Variants in EGFR observed in about 807,000 individuals in gnomAD.
EGFR encodes epidermal growth factor receptor.
Under a neutral mutation model 143.0 loss-of-function variants are expected in EGFR, and 58 were observed. The ratio of observed to expected loss-of-function variants is 0.41; its 90% CI spans 0.33 to 0.50. The LOEUF (loss-of-function observed/expected upper bound fraction) is 0.50, where lower values mean the gene tolerates loss of function less well. Among genes scored for constraint, EGFR ranks in the 20% least tolerant of loss-of-function variants. The pLI is 0.39. For synonymous variants in EGFR, 613 were observed against 594.4 expected, an observed-to-expected ratio of 1.03 and a Z score of -0.45; for missense variants, 1,307 against 1,579.0, an observed-to-expected ratio of 0.83 and a Z score of 2.92.
intron 11 of EGFR, 38 bp downstream of exon 11, chr7:55,157,791 T>C (rs1785504593): frequency 1.2e-6 from 2 of 1,606,878 alleles, no homozygotes; most frequent in African/African-American, 1.3e-5. Flanking sequence ...AGATTACATT[T>C]GCCTTTTTAG....
intron 1 of EGFR, among the ~76,000 whole-genome samples, chr7:55,124,772 C>G (rs1393944725): frequency 6.6e-6 from 1 of 152,224 alleles, no homozygotes; most frequent in Non-Finnish European, 1.5e-5. Context: ...AATTCACAGT[C>G]TATAAACCTG....
At chr7:55,049,529 T>C (rs1788363266) in intron 1 of EGFR, among the ~76,000 whole-genome samples, 1 of 152,114 alleles carries the variant, frequency 6.6e-6, no homozygotes, top group Non-Finnish European at 1.5e-5. Flanking sequence ...TGGTAATTCA[T>C]TTTTGACAGT....
At chr7:55,055,929 C>T (rs756960850) in intron 1 of EGFR, among the ~76,000 whole-genome samples, 1 of 152,060 alleles carries the variant, frequency 6.6e-6, no homozygotes, top group Non-Finnish European at 1.5e-5. Flanking sequence ...GCATGGATGG[C>T]GACTTCTCAG....
intron 1 of EGFR, among the ~76,000 whole-genome samples, chr7:55,019,909 G>A (rs1327324778): frequency 2.0e-5 from 3 of 152,156 alleles, no homozygotes; most frequent in Non-Finnish European, 4.4e-5. Context: ...GCGGCTTTCT[G>A]AGAGGACCTC....
intron 1 of EGFR, among the ~76,000 whole-genome samples, chr7:55,070,283 G>A (rs1477789806): frequency 6.6e-6 from 1 of 152,034 alleles, no homozygotes; most frequent in Non-Finnish European, 1.5e-5. Flanking sequence ...CTTTCTTCCT[G>A]GTTAGACAGG....
intron 27 of EGFR, among the ~76,000 whole-genome samples, chr7:55,203,373 C>T (rs1282383587): frequency 6.8e-6 from 1 of 146,320 alleles, no homozygotes; most frequent in Non-Finnish European, 1.5e-5. Context: ...TGCATACATA[C>T]ACACCACACA....
chr7:55,205,298 T>C lies in EGFR; in HGVS notation c.3314T>C (p.Val1105Ala). ...GTTCCCAAAAGGCCCGCTGGCTCTG[T>C]GCAGAATCCTGTCTATCACAATCAG... ...QSVPKRPAGS[V>A]QNPVYHNQPL... The change falls in exon 28 of 28, where the codon GTG (valine) becomes GCG (alanine). Residue 1105 changes from valine (V) to alanine (A), a missense_variant. By Grantham distance (64) the Val-to-Ala change is moderately conservative. Around this residue, in one of 7 missense-constraint regions of EGFR, gnomAD observed 313 missense variants for 312.3 expected, o/e 1.00. Transcript: ENST00000275493. 6.2e-7 allele frequency: 1 copy of C among 1,612,838 alleles called. No individual in the cohort carries two copies. The highest frequency in any genetic ancestry group is 8.5e-7 in the Non-Finnish European group (1 of 1,179,392).
In EGFR at chr7:55,152,747, G is replaced by T. The variant is rs879289031; in HGVS notation, c.747+83G>T. The T allele has an allele frequency of 5.3e-5, 61 of 1,150,884 alleles. No homozygotes were observed. In the Admixed American group the frequency reaches 1.1e-3, roughly 21 times the overall value. The allele number at this position is 1,150,884 out of a possible 1,614,324, so 71.3% of individuals were successfully genotyped here. On this transcript the variant is annotated intron_variant, in intron 6 of 27. Coordinates refer to ENST00000275493, the MANE Select transcript of EGFR (RefSeq NM_005228.5). Reference sequence around the variant, plus strand: ...CACACCAGGACAGAAGACTTCCTGTGGGGGAGCTGTCAATTAGCATTTGTC... The same window carrying T: ...CACACCAGGACAGAAGACTTCCTGTTGGGGAGCTGTCAATTAGCATTTGTC...
At chr7:55,019,591 A>G (rs946855016) in intron 1 of EGFR, among the ~76,000 whole-genome samples, 2 of 151,958 alleles carry the variant, frequency 1.3e-5, no homozygotes, top group African/African-American at 2.4e-5. Flanking sequence ...GACGCGTGGG[A>G]CACCGGGCTG....
chr7:55,092,756 C>T (rs369803849), intron 1 of EGFR, among the ~76,000 whole-genome samples: 59 of 152,368 alleles, frequency 3.9e-4, no homozygotes, highest in African/African-American at 6.5e-4. Flanking sequence ...AATGATAGCT[C>T]GGCCTGCCCC....
At chr7:55,065,848 T>TG (rs5884399) in intron 1 of EGFR, among the ~76,000 whole-genome samples, 1 of 148,692 alleles carries the variant, frequency 6.7e-6, no homozygotes, top group Non-Finnish European at 1.5e-5. Context: ...TTTTTTTTTT[T>TG]GCCAAGTGAA....
At chr7:55,194,230 T>A (rs1214311066) in intron 22 of EGFR, among the ~76,000 whole-genome samples, 3 of 140,886 alleles carry the variant, frequency 2.1e-5, no homozygotes, top group South Asian at 2.2e-4. Flanking sequence ...TTTTAACTTT[T>A]TTTTTTTTTT....
rs562618879 is a variant in EGFR at position 55,210,250 on chromosome 7, A to C, written c.*4633A>C. Reference sequence around the variant, plus strand: ...CAATGCAAATTTTATTTTTATATTTACAATTGATATGCATTTACCAGTATA... The same window carrying C: ...CAATGCAAATTTTATTTTTATATTTCCAATTGATATGCATTTACCAGTATA... On this transcript the variant is annotated 3_prime_UTR_variant, in exon 28 of 28. Transcript: ENST00000275493. 2 of 152,230 alleles carry C rather than the reference A, an allele frequency of 1.3e-5. No individual in the cohort carries two copies. The highest frequency in any genetic ancestry group is 2.9e-5 in the Non-Finnish European group (2 of 68,034). 9.4% of individuals were successfully genotyped at this position (152,230 alleles called of 1,614,324 possible).
At chr7:55,104,331 C>T (rs1203888765) in intron 1 of EGFR, among the ~76,000 whole-genome samples, 4 of 152,186 alleles carry the variant, frequency 2.6e-5, no homozygotes, top group African/African-American at 9.7e-5. Flanking sequence ...AACCGTCCTC[C>T]GTAGGCTCCC....
chr7:55,114,008 A>T (rs1792679276), intron 1 of EGFR, among the ~76,000 whole-genome samples: 1 of 152,236 alleles, frequency 6.6e-6, no homozygotes, highest in African/African-American at 2.4e-5. Context: ...GGTGGGAAGC[A>T]CTGCTCCACA....
At chr7:55,156,901 A>G in intron 10 of EGFR, 69 bp downstream of exon 10, 1 of 1,609,432 alleles carries the variant, frequency 6.2e-7, no homozygotes, top group Non-Finnish European at 8.5e-7. Context: ...TTTTCGACAT[A>G]TTTCCTGTTC....
chr7:55,194,374 A>C (rs1372858157), intron 22 of EGFR, among the ~76,000 whole-genome samples: 3 of 151,752 alleles, frequency 2.0e-5, no homozygotes, highest in Non-Finnish European at 4.4e-5. Flanking sequence ...TTACAGGCGC[A>C]CACCACCATG....
intron 1 of EGFR, among the ~76,000 whole-genome samples, chr7:55,123,253 T>G (rs1488274378): frequency 6.6e-6 from 1 of 152,224 alleles, no homozygotes; most frequent in African/African-American, 2.4e-5. Flanking sequence ...CGTTTCAGAT[T>G]AACTCAAGGT....
chr7:55,153,900 A>T (rs1277476195), intron 6 of EGFR, 111 bp from the exon 7 acceptor site: 11 of 1,525,472 alleles, frequency 7.2e-6, no homozygotes, highest in Admixed American at 3.4e-5. Flanking sequence ...TAGGCTGCAA[A>T]GACAGTAACT....
Sources: allele counts gnomAD v4.1 joint callset (sites outside exome capture counted in the v4.1 genomes callset), GRCh38; gene constraint gnomAD v4.1.1; regional missense constraint gnomAD v4.1.1; transcripts MANE v1.5; gene names NCBI Gene and HGNC (gene_info 2026-07-23, HGNC 2026-07-21).